Variants in VAC14 observed in about 807,000 individuals in gnomAD.
VAC14 encodes the protein protein VAC14 homolog.
A neutral mutation model predicts 85.3 loss-of-function variants in VAC14; 47 were observed. That is an observed-to-expected ratio of 0.55 (90% CI 0.44 to 0.70). The LOEUF is 0.70. Among genes scored for constraint, VAC14 ranks in the 30% least tolerant of loss-of-function variants. The pLI is 0.00. For missense variants in VAC14, 861 were observed against 1,004.3 expected (o/e 0.86, Z 1.93); for synonymous variants, 447 against 430.5 (o/e 1.04, Z -0.47).
chr16:70,738,418 G>A (rs989862505), intron 13 of VAC14, among the ~76,000 whole-genome samples: 1 of 152,222 alleles, frequency 6.6e-6, no homozygotes, highest in Admixed American at 6.5e-5. Context: ...AGGTCAGAGC[G>A]AGAGAGAAGC....
intron 1 of VAC14, among the ~76,000 whole-genome samples, chr16:70,790,573 A>G (rs2034289202): frequency 1.3e-5 from 2 of 152,194 alleles, no homozygotes; most frequent in South Asian, 4.1e-4. Context: ...TTTGAAGAGT[A>G]CGAGGAAAGT....
chr16:70,772,156 G>A lies in VAC14; in HGVS notation c.1113C>T (p.Ser371=). ...TGCCGCTACTGAAGCTGGAGTCACA[G>A]GAACCATCTGGACCTCCTGGGAGAG... ...EGTASGGPDG[S]CDSSFSSGIS... is the part of the protein sequence containing the mutation. Residue 371 remains serine, a synonymous_variant, in exon 10 of 19, where the codon TCC becomes TCT. Transcript: ENST00000261776. 6.2e-7 allele frequency: 1 copy of A among 1,614,080 alleles called. No individual in the cohort carries two copies. Among genetic ancestry groups the A allele is most frequent in the Non-Finnish European group, 8.5e-7 (1 of 1,180,014 alleles).
chr16:70,764,406 C>T (rs1014748006), intron 10 of VAC14, among the ~76,000 whole-genome samples: 1 of 152,078 alleles, frequency 6.6e-6, no homozygotes, highest in African/African-American at 2.4e-5. Context: ...CTGAGGATAT[C>T]GAAACACTTA....
intron 18 of VAC14, chr16:70,689,144 T>C (rs768601639): frequency 4.1e-5 from 40 of 968,744 alleles, no homozygotes; most frequent in Non-Finnish European, 4.9e-5. Flanking sequence ...CACCGCTTCC[T>C]AGCGGTGTGA....
At chr16:70,789,686 T>C (rs2034245373) in intron 1 of VAC14, among the ~76,000 whole-genome samples, 1 of 152,246 alleles carries the variant, frequency 6.6e-6, no homozygotes, top group South Asian at 2.1e-4. Flanking sequence ...TCTAGTTGGA[T>C]TTCAAATGCC....
At chr16:70,730,680 G>A (rs1031776945) in intron 14 of VAC14, among the ~76,000 whole-genome samples, 2 of 140,916 alleles carry the variant, frequency 1.4e-5, no homozygotes, top group Non-Finnish European at 3.0e-5. Context: ...TCACTGCAAC[G>A]TCCACCTCCC....
At chr16:70,690,832 T>G (rs1424930455) in intron 18 of VAC14, 1 of 985,348 alleles carries the variant, frequency 1.0e-6, no homozygotes, top group Non-Finnish European at 1.2e-6. Context: ...TGTGCCCCTA[T>G]CTATGGTATC....
Position 70,723,206 on chromosome 16 carries a change from A to T in VAC14, c.1661+8289T>A, listed in dbSNP as rs1264968412. On this transcript the variant is annotated intron_variant, in intron 14 of 18. Coordinates refer to ENST00000261776, the MANE Select transcript of VAC14 (RefSeq NM_018052.5). ...CACAGCACTTGATTCTGGGTGACTG[A>T]GTGAGACCCTGTCTCAAAAGAAAAA... 2.0e-5 allele frequency among the ~76,000 whole-genome samples: 3 copies of T among 151,696 alleles called. No individual in the cohort carries two copies. The Admixed American group carries it at 2.0e-4, about 10-fold the overall frequency.
At chr16:70,756,305 AG>A (rs928636070) in intron 12 of VAC14, among the ~76,000 whole-genome samples, 5 of 152,112 alleles carry the variant, frequency 3.3e-5, no homozygotes, top group African/African-American at 1.2e-4. Flanking sequence ...CTGGGCTCCT[AG>A]GCAAGCCCCG....
rs779727690 is a variant in VAC14, at chr16:70,695,526, G to C, written c.2035+18C>G. The C allele has an allele frequency of 2.3e-5, 37 of 1,613,356 alleles. No homozygotes were observed. In the Admixed American group the frequency reaches 6.2e-4, roughly 27 times the overall value. On this transcript the variant is annotated intron_variant, in intron 17 of 18. Coordinates refer to ENST00000261776, the MANE Select transcript of VAC14 (RefSeq NM_018052.5). ...CCTTGGACTCATGGCGCGAGGTGTG[G>C]TGGGAGGTGGTTCTTACATGTGAAG... is the stretch of plus-strand genomic sequence containing the variant.
At chr16:70,790,877 G>T (rs1374057981) in intron 1 of VAC14, among the ~76,000 whole-genome samples, 1 of 152,200 alleles carries the variant, frequency 6.6e-6, no homozygotes, top group Non-Finnish European at 1.5e-5. Flanking sequence ...TTCATCTCCA[G>T]GAAAACAGGC....
chr16:70,690,588 G>A (rs566520078), intron 18 of VAC14: 74 of 985,490 alleles, frequency 7.5e-5, no homozygotes, highest in Non-Finnish European at 8.6e-5. Flanking sequence ...GGCCTTGATG[G>A]CACTTGGAGC....
intron 14 of VAC14, among the ~76,000 whole-genome samples, chr16:70,730,134 C>T (rs912710590): frequency 3.9e-5 from 6 of 152,038 alleles, no homozygotes; most frequent in African/African-American, 1.2e-4. Flanking sequence ...CTACTTCCTA[C>T]TCAGTCTCGA....
chr16:70,777,781 G>C (rs1379680099), intron 9 of VAC14, among the ~76,000 whole-genome samples: 1 of 152,176 alleles, frequency 6.6e-6, no homozygotes, highest in Non-Finnish European at 1.5e-5. Context: ...TGCTGTCGGC[G>C]GATCAGCACA....
Position 70,744,444 on chromosome 16 carries a change from C to T in VAC14, c.1507G>A (p.Ala503Thr). The T allele has an allele frequency of 1.9e-6, 3 of 1,614,056 alleles. No individual in the cohort carries two copies. Among genetic ancestry groups the T allele is most frequent in the Non-Finnish European group, 2.5e-6 (3 of 1,180,012 alleles). ...SELQVPTPGR[A>T]GLLNTSGTKG... ...TTACCAGAGGTGTTCAGTAGGCCGGCTCTGCCAGGGGTGGGCACCTGGAGC... is the reference window on the plus strand; with the variant it reads ...TTACCAGAGGTGTTCAGTAGGCCGGTTCTGCCAGGGGTGGGCACCTGGAGC... The change falls in exon 13 of 19, where the codon GCC becomes ACC. Residue 503 changes from alanine to threonine, a missense_variant. Physicochemically the swap from Ala to Thr is moderately conservative, Grantham distance 58. Transcript: ENST00000261776.
chr16:70,793,271 G>C (rs2034413741), intron 1 of VAC14, among the ~76,000 whole-genome samples: 1 of 152,220 alleles, frequency 6.6e-6, no homozygotes, highest in Non-Finnish European at 1.5e-5. Context: ...GCAGGACACA[G>C]TGAGTAACCA....
At chr16:70,800,128 GA>G (rs200312866) in intron 1 of VAC14, among the ~76,000 whole-genome samples, 7 of 150,288 alleles carry the variant, frequency 4.7e-5, no homozygotes, top group South Asian at 2.1e-4. Context: ...TAATACTGCA[GA>G]AAAAAAAATA....
rs112944954 is a variant in VAC14, at chr16:70,717,588, A to C, written c.1661+13907T>G. ...GAGTCCTGACTGCACAGAACTGGAC[A>C]AGAGCTAGTTGCTGGGTGGGTTGGG... On this transcript the variant is annotated intron_variant, in intron 14 of 18. Coordinates refer to ENST00000261776, the MANE Select transcript of VAC14 (RefSeq NM_018052.5). Among the ~76,000 whole-genome samples the C allele has an allele frequency of 3.2e-4, 48 of 152,344 alleles. 2 individuals are homozygous for C. Among genetic ancestry groups the C allele is most frequent in the African/African-American group, 1.1e-3 (44 of 41,588 alleles).
intron 14 of VAC14, chr16:70,700,198 G>A (rs1230862061): frequency 6.6e-6 from 1 of 152,214 alleles, no homozygotes; most frequent in Non-Finnish European, 1.5e-5. Context: ...AGAGCATTTG[G>A]TAACAAAGAG....
Sources: allele counts gnomAD v4.1 joint callset (sites outside exome capture counted in the v4.1 genomes callset), GRCh38; gene constraint gnomAD v4.1.1; transcripts MANE v1.5; gene names NCBI Gene and HGNC (gene_info 2026-07-23, HGNC 2026-07-21).